The following CDH12 variants were observed in gnomAD, a reference collection of about 807,000 sequenced individuals.
CDH12 encodes cadherin 12, also known as cadherin-12.
A neutral mutation model predicts 74.1 loss-of-function variants in CDH12; 41 were observed. That is an observed-to-expected ratio of 0.55 (90% CI 0.43 to 0.72). The LOEUF (loss-of-function observed/expected upper bound fraction) is 0.72. CDH12 is among the 30% of genes least tolerant of loss of function. CDH12 has a pLI of 0.00. For synonymous variants in CDH12, 399 were observed against 355.0 expected, an observed-to-expected ratio of 1.12 and a Z score of -1.39; for missense variants, 945 against 977.2, an observed-to-expected ratio of 0.97 and a Z score of 0.44.
rs546635338 is a variant in CDH12 at position 22,793,206 on chromosome 5, C to T, written c.-523+59852G>A. Among the ~76,000 whole-genome samples, 3 of 152,292 alleles carry T rather than the reference C, an allele frequency of 2.0e-5. No homozygotes were observed. In the South Asian group the frequency reaches 6.2e-4, roughly 32 times the overall value. ...CCAACACACGCTATTCCTAAGTGAT[C>T]CAATCTTTCAGAGAGTTGTCTTTTT... On this transcript the variant is annotated intron_variant, in intron 1 of 14. Transcript: ENST00000382254.
intron 3 of CDH12, among the ~76,000 whole-genome samples, chr5:22,362,044 C>G (rs1166107633): frequency 6.6e-6 from 1 of 152,048 alleles, no homozygotes; most frequent in African/African-American, 2.4e-5. Flanking sequence ...TCTAAAACAC[C>G]AAAAGCAAAG....
chr5:22,054,131 CTCTG>C (rs1740577510), intron 5 of CDH12, among the ~76,000 whole-genome samples: 1 of 151,898 alleles, frequency 6.6e-6, no homozygotes, highest in Admixed American at 6.6e-5. Flanking sequence ...TGCTTTACTT[CTCTG>C]TATTTGATTT....
At chr5:22,315,892 A>T (rs1242071686) in intron 3 of CDH12, among the ~76,000 whole-genome samples, 2 of 151,958 alleles carry the variant, frequency 1.3e-5, no homozygotes, top group African/African-American at 2.4e-5. Context: ...GGAAATTAGG[A>T]GTTTCATTTT....
At chr5:22,298,979 A>G (rs1249641410) in intron 3 of CDH12, among the ~76,000 whole-genome samples, 1 of 152,182 alleles carries the variant, frequency 6.6e-6, no homozygotes, top group Non-Finnish European at 1.5e-5. Context: ...ATGTTCTACT[A>G]TAATCTAGAC....
At chr5:22,474,759 G>A (rs917700595) in intron 2 of CDH12, among the ~76,000 whole-genome samples, 4 of 152,078 alleles carry the variant, frequency 2.6e-5, no homozygotes, top group African/African-American at 4.8e-5. Flanking sequence ...ACAGAGAAAC[G>A]TCTTTCAATT....
At chr5:22,357,036 T>C (rs1354983706) in intron 3 of CDH12, among the ~76,000 whole-genome samples, 1 of 152,118 alleles carries the variant, frequency 6.6e-6, no homozygotes, top group Non-Finnish European at 1.5e-5. Flanking sequence ...TAATTAGGTG[T>C]AGCAATTTAT....
intron 3 of CDH12, among the ~76,000 whole-genome samples, chr5:22,403,466 C>A (rs1742814251): frequency 1.3e-5 from 2 of 152,272 alleles, no homozygotes; most frequent in East Asian, 3.9e-4. Context: ...AAGAGACAAT[C>A]AATTGATTCA....
At chr5:21,809,853 T>C (rs1477757942) in intron 9 of CDH12, among the ~76,000 whole-genome samples, 3 of 152,108 alleles carry the variant, frequency 2.0e-5, no homozygotes, top group Non-Finnish European at 4.4e-5. Context: ...ATGAGAACCT[T>C]GTAAGTATCA....
intron 5 of CDH12, among the ~76,000 whole-genome samples, chr5:22,042,796 A>G (rs546696909): frequency 1.6e-4 from 24 of 150,064 alleles, no homozygotes; most frequent in African/African-American, 5.6e-4. Context: ...AGGCAGAGGT[A>G]GGAGGACTGA....
At chr5:22,511,848 A>G (rs773994552) in intron 1 of CDH12, among the ~76,000 whole-genome samples, 3 of 152,242 alleles carry the variant, frequency 2.0e-5, no homozygotes, top group South Asian at 4.1e-4. Context: ...CAATCAAAAA[A>G]TAAGTAATTG....
At chr5:22,597,662 A>C (rs2126807973) in intron 1 of CDH12, among the ~76,000 whole-genome samples, 1 of 152,296 alleles carries the variant, frequency 6.6e-6, no homozygotes, top group South Asian at 2.1e-4. Flanking sequence ...TTGTTGTCAA[A>C]CATCTAGAAG....
At position 22,764,170 on chromosome 5, in the gene CDH12, A is replaced by T. The variant is rs1746379396; in HGVS notation, c.-523+88888T>A. Among the ~76,000 whole-genome samples, 3 of 151,830 alleles carry T rather than the reference A, an allele frequency of 2.0e-5. No individual in the cohort carries two copies. In the South Asian group the frequency reaches 6.2e-4, roughly 31 times the overall value. ...ATATACTCTTTATACAGATTCTTTA[A>T]TTGTTTTGATTTTACCTCAGGTTTT... On this transcript the variant is annotated intron_variant, in intron 1 of 14. Transcript: ENST00000382254.
chr5:22,790,859 G>T (rs1456134339), intron 1 of CDH12, among the ~76,000 whole-genome samples: 1 of 152,030 alleles, frequency 6.6e-6, no homozygotes, highest in African/African-American at 2.4e-5. Flanking sequence ...ATGGCATCGT[G>T]GTTGGCACAG....
intron 4 of CDH12, among the ~76,000 whole-genome samples, chr5:22,208,222 A>G (rs1293830637): frequency 6.6e-6 from 1 of 152,106 alleles, no homozygotes; most frequent in African/African-American, 2.4e-5. Context: ...TTTCATTTGT[A>G]AGGGAAATAG....
At chr5:21,771,977 C>A (rs1745346636) in intron 11 of CDH12, among the ~76,000 whole-genome samples, 1 of 152,090 alleles carries the variant, frequency 6.6e-6, no homozygotes. Flanking sequence ...AATGTTATTG[C>A]TGATCAGTTG....
At chr5:22,723,460 G>C (rs957029882) in intron 1 of CDH12, among the ~76,000 whole-genome samples, 4 of 152,050 alleles carry the variant, frequency 2.6e-5, no homozygotes, top group African/African-American at 9.7e-5. Context: ...ATAGTAGATA[G>C]AGCAATATCT....
In CDH12 at chr5:21,751,599, C is replaced by A; in HGVS notation, c.*138G>T. 2 of 414,690 alleles carry A rather than the reference C, an allele frequency of 4.8e-6. No individual in the cohort carries two copies. Among genetic ancestry groups the A allele is most frequent in the Non-Finnish European group, 8.1e-6 (2 of 245,424 alleles). The allele number at this position is 414,690 out of a possible 1,614,324, so 25.7% of individuals were successfully genotyped here. A position where few individuals can be genotyped will look rare whatever the true frequency, so the allele number is the denominator to read the frequency against. ...CTAGAAACCAGGTAATCAAAGGAAT[C>A]TTGTCCCAGAGTGTGTGTGTGTGTG... On this transcript the variant is annotated 3_prime_UTR_variant, in exon 15 of 15. Coordinates refer to ENST00000382254, the MANE Select transcript of CDH12 (RefSeq NM_004061.5).
intron 6 of CDH12, among the ~76,000 whole-genome samples, chr5:21,926,106 A>C (rs1270459188): frequency 2.0e-5 from 3 of 152,080 alleles, no homozygotes; most frequent in Non-Finnish European, 4.4e-5. Context: ...TTGAAAAAAA[A>C]AATCACGTCA....
chr5:21,791,733 T>A (rs1390033486), intron 10 of CDH12, among the ~76,000 whole-genome samples: 1 of 151,884 alleles, frequency 6.6e-6, no homozygotes, highest in South Asian at 2.1e-4. Flanking sequence ...ATTAAAACAT[T>A]AACCTAGTCT....
Sources: gnomAD v4.1 joint callset for allele counts (sites outside exome capture counted in the v4.1 genomes callset) on GRCh38, gnomAD v4.1.1 for gene constraint, MANE v1.5 for transcripts, NCBI Gene and HGNC (gene_info 2026-07-23, HGNC 2026-07-21) for gene names.